Variants in MALRD1 observed in about 807,000 individuals in gnomAD.
MALRD1 encodes MAM and LDL receptor class A domain containing 1.
In MALRD1, 247 loss-of-function variants were observed where a neutral mutation model predicts 242.1. The observed-to-expected ratio is 1.02, with a 90% CI of 0.92 to 1.13. MALRD1 has a LOEUF of 1.13. Ranked by LOEUF, MALRD1 falls within the 50% of genes most tolerant of loss-of-function variation. The pLI is 0.00. For synonymous variants in MALRD1, 995 were observed against 866.6 expected (o/e 1.15, Z -2.60); for missense variants, 2,989 against 2,533.1 (o/e 1.18, Z -3.86).
At chr10:19,647,868 C>T (rs1039766243) in intron 36 of MALRD1, among the ~76,000 whole-genome samples, 3 of 152,086 alleles carry the variant, frequency 2.0e-5, no homozygotes, top group African/African-American at 7.2e-5. Flanking sequence ...TTTTTTCCAA[C>T]ACTGGACAAG....
At chr10:19,202,640 T>G (rs4269836) in intron 14 of MALRD1, among the ~76,000 whole-genome samples, 133,288 of 152,122 alleles carry the variant, frequency 0.88, 58,587 homozygotes, top group African/African-American at 0.95. Context: ...TGTCTATGCG[T>G]TTTATTGCTA....
chr10:19,604,934 C>G (rs1838534965), intron 34 of MALRD1, among the ~76,000 whole-genome samples: 1 of 152,030 alleles, frequency 6.6e-6, no homozygotes, highest in Admixed American at 6.6e-5. Flanking sequence ...CCTGTGCATA[C>G]TTCTTCATTT....
At chr10:19,610,289 C>A (rs1416325878) in intron 35 of MALRD1, among the ~76,000 whole-genome samples, 2 of 151,896 alleles carry the variant, frequency 1.3e-5, no homozygotes, top group Non-Finnish European at 2.9e-5. Context: ...TCACCCATTA[C>A]CCTACTGTGC....
chr10:19,256,015 T>C (rs1277984482), intron 18 of MALRD1, among the ~76,000 whole-genome samples: 1 of 152,094 alleles, frequency 6.6e-6, no homozygotes, highest in Non-Finnish European at 1.5e-5. Context: ...TATGAATGTG[T>C]ATATATCCCT....
intron 28 of MALRD1, among the ~76,000 whole-genome samples, chr10:19,446,077 C>T (rs1831712): frequency 0.27 from 40,459 of 151,978 alleles, 6,045 homozygotes; most frequent in East Asian, 0.46. Context: ...GGCGTGGGAC[C>T]CTCCGAGCCA....
chr10:19,146,096 A>T, intron 10 of MALRD1, 102 bp from the exon 11 acceptor site: 6 of 849,576 alleles, frequency 7.1e-6, no homozygotes, highest in Non-Finnish European at 9.4e-6. Context: ...TACCAAGCAG[A>T]ATAATTTTGC....
intron 14 of MALRD1, among the ~76,000 whole-genome samples, chr10:19,197,551 C>T (rs1307887435): frequency 6.6e-6 from 1 of 152,160 alleles, no homozygotes; most frequent in Non-Finnish European, 1.5e-5. Context: ...ACATGAGAAG[C>T]ATGCTATGGC....
chr10:19,576,014 G>C (rs1856408), intron 33 of MALRD1, among the ~76,000 whole-genome samples: 26,447 of 152,182 alleles, frequency 0.17, 3,335 homozygotes, highest in African/African-American at 0.36. Flanking sequence ...CAGAATTGCA[G>C]TTGGGCTAAC....
chr10:19,502,258 T>A (rs1838011354), intron 31 of MALRD1, among the ~76,000 whole-genome samples: 1 of 151,954 alleles, frequency 6.6e-6, no homozygotes, highest in Non-Finnish European at 1.5e-5. Context: ...TTTTCTAAAA[T>A]TTTTAAAATA....
intron 31 of MALRD1, among the ~76,000 whole-genome samples, chr10:19,516,333 T>C (rs1302694623): frequency 6.6e-6 from 1 of 152,206 alleles, no homozygotes; most frequent in Non-Finnish European, 1.5e-5. Flanking sequence ...AATTTAATTT[T>C]GGCAATCCTG....
intron 26 of MALRD1, among the ~76,000 whole-genome samples, chr10:19,369,114 T>C (rs1026036004): frequency 6.9e-6 from 1 of 145,200 alleles, no homozygotes; most frequent in Admixed American, 7.0e-5. Context: ...TATTTATATA[T>C]AACATTTAAA....
At chr10:19,081,662 T>C (rs1241655303) in intron 2 of MALRD1, among the ~76,000 whole-genome samples, 1 of 151,950 alleles carries the variant, frequency 6.6e-6, no homozygotes, top group Non-Finnish European at 1.5e-5. Context: ...TAATGGATGC[T>C]GGGCTTAATA....
chr10:19,152,343 A>G (rs1157764941), intron 11 of MALRD1, among the ~76,000 whole-genome samples: 1 of 152,206 alleles, frequency 6.6e-6, no homozygotes, highest in Non-Finnish European at 1.5e-5. Context: ...GCACATATTA[A>G]TTTTAACACA....
rs1156254998 is a variant in MALRD1, at chr10:19,430,111, C to CTTTTTTTTTTTTTTTTT, written c.4846-20191_4846-20175dup. Among the ~76,000 whole-genome samples the CTTTTTTTTTTTTTTTTT allele has an allele frequency of 9.6e-5, 8 of 83,524 alleles. 1 individual carries two copies. Among genetic ancestry groups the CTTTTTTTTTTTTTTTTT allele is most frequent in the South Asian group, 4.6e-4 (1 of 2,188 alleles). 54.8% of individuals were successfully genotyped at this position (83,524 alleles called of 152,430 possible). A position where few individuals can be genotyped will look rare whatever the true frequency, so the allele number is the denominator to read the frequency against. On this transcript the variant is annotated intron_variant, in intron 28 of 39. Coordinates refer to ENST00000454679, the MANE Select transcript of MALRD1 (RefSeq NM_001142308.3). ...CTTTGCTTGGAATTTCTCCATTTTC[C>CTTTTTTTTTTTTTTTTT]TTTTTTTTTTTTTTTTTTTTTGAGA...
intron 33 of MALRD1, among the ~76,000 whole-genome samples, chr10:19,569,115 A>G (rs188512216): frequency 7.9e-5 from 12 of 152,260 alleles, no homozygotes; most frequent in Non-Finnish European, 1.6e-4. Context: ...TAGATTATTC[A>G]TCCCATATTC....
chr10:19,368,294 A>G (rs1845194061), intron 26 of MALRD1, among the ~76,000 whole-genome samples: 1 of 152,024 alleles, frequency 6.6e-6, no homozygotes, highest in South Asian at 2.1e-4. Flanking sequence ...AATTTTGTAT[A>G]GGCTGAGAGG....
intron 18 of MALRD1, among the ~76,000 whole-genome samples, chr10:19,247,481 T>C (rs1839111851): frequency 6.6e-6 from 1 of 151,886 alleles, no homozygotes; most frequent in Non-Finnish European, 1.5e-5. Context: ...ATAAGGCTAA[T>C]GCCTTATTGT....
intron 5 of MALRD1, among the ~76,000 whole-genome samples, chr10:19,105,284 T>C (rs1172089281): frequency 6.6e-6 from 1 of 152,068 alleles, no homozygotes; most frequent in African/African-American, 2.4e-5. Flanking sequence ...CCTGTGTCTG[T>C]CTTATTTTGT....
intron 18 of MALRD1, among the ~76,000 whole-genome samples, chr10:19,246,005 T>TA (rs1839027743): frequency 6.6e-6 from 1 of 152,178 alleles, no homozygotes; most frequent in African/African-American, 2.4e-5. Context: ...AGCTGAATTA[T>TA]AAAAAACGAT....
Sources: gnomAD v4.1 joint callset for allele counts (sites outside exome capture counted in the v4.1 genomes callset) on GRCh38, gnomAD v4.1.1 for gene constraint, MANE v1.5 for transcripts, NCBI Gene and HGNC (gene_info 2026-07-23, HGNC 2026-07-21) for gene names.